OTUD7A: variants seen among roughly 807,000 people sequenced by gnomAD.
The protein encoded by OTUD7A is OTU domain-containing protein 7A.
In OTUD7A, 12 loss-of-function variants were observed where a neutral mutation model predicts 65.7. The observed-to-expected ratio is 0.18, with a 90% CI of 0.12 to 0.30. The LOEUF (loss-of-function observed/expected upper bound fraction) is 0.30. Among genes scored for constraint, OTUD7A ranks in the 10% least tolerant of loss-of-function variants. OTUD7A has a pLI of 1.00. For synonymous variants in OTUD7A, 641 were observed against 586.3 expected (o/e 1.09, Z -1.35); for missense variants, 1,148 against 1,304.8 (o/e 0.88, Z 1.85).
At chr15:31,814,561 T>A (rs1896502037) in intron 1 of OTUD7A, among the ~76,000 whole-genome samples, 1 of 151,984 alleles carries the variant, frequency 6.6e-6, no homozygotes, top group African/African-American at 2.4e-5. Context: ...TCTCGCTTTG[T>A]TGCCCAGGCT....
chr15:31,494,096 A>C (rs527474072), intron 10 of OTUD7A, among the ~76,000 whole-genome samples: 1 of 152,240 alleles, frequency 6.6e-6, no homozygotes, highest in Non-Finnish European at 1.5e-5. Context: ...TCTCTGGCCT[A>C]AAGTTTATAT....
chr15:31,612,262 C>T (rs918817744), intron 3 of OTUD7A, among the ~76,000 whole-genome samples: 3 of 152,212 alleles, frequency 2.0e-5, no homozygotes, highest in Non-Finnish European at 2.9e-5. Context: ...ACTCTCACTA[C>T]TCTTCTTCAA....
Position 31,792,704 on chromosome 15 carries a change from C to T in OTUD7A, c.-100+77803G>A, listed in dbSNP as rs1895850395. 2.0e-5 allele frequency among the ~76,000 whole-genome samples: 3 copies of T among 152,282 alleles called. No homozygotes were observed. The South Asian group carries it at 6.2e-4, about 32-fold the overall frequency. ...ATAGTGACCACCACCAGATAAAATT[C>T]TTCTTTATGTGTATGTGTGTTCTGC... On this transcript the variant is annotated intron_variant, in intron 1 of 12. Transcript: ENST00000307050.
chr15:31,587,491 A>G (rs1195144483), intron 3 of OTUD7A, among the ~76,000 whole-genome samples: 1 of 151,818 alleles, frequency 6.6e-6, no homozygotes, highest in African/African-American at 2.4e-5. Flanking sequence ...AAATACAAAA[A>G]TTAGCCAGGT....
intron 1 of OTUD7A, among the ~76,000 whole-genome samples, chr15:31,818,697 C>A (rs1896609488): frequency 6.6e-6 from 1 of 152,190 alleles, no homozygotes. Flanking sequence ...TGGGGATGGA[C>A]AACGGATGGT....
chr15:31,813,652 G>A (rs986935721), intron 1 of OTUD7A, among the ~76,000 whole-genome samples: 12 of 151,990 alleles, frequency 7.9e-5, no homozygotes, highest in African/African-American at 2.9e-4. Flanking sequence ...GCATCTTTAA[G>A]AAAAAAATAG....
At chr15:31,726,700 A>G (rs1030780481) in intron 1 of OTUD7A, among the ~76,000 whole-genome samples, 2 of 152,178 alleles carry the variant, frequency 1.3e-5, no homozygotes, top group African/African-American at 4.8e-5. Flanking sequence ...CAGTAACTTC[A>G]TGTGGGCTCC....
intron 1 of OTUD7A, among the ~76,000 whole-genome samples, chr15:31,819,637 G>A (rs553975584): frequency 7.9e-5 from 12 of 151,788 alleles, no homozygotes; most frequent in African/African-American, 2.9e-4. Flanking sequence ...TTTTTCTAAC[G>A]TAATCATATG....
intron 1 of OTUD7A, among the ~76,000 whole-genome samples, chr15:31,838,996 T>C (rs1235981345): frequency 3.3e-5 from 5 of 152,194 alleles, no homozygotes; most frequent in East Asian, 3.9e-4. Flanking sequence ...CCCAGACAGA[T>C]AGCTGGGTTG....
At chr15:31,767,166 T>G (rs1385854288) in intron 1 of OTUD7A, 1 of 1,266,468 alleles carries the variant, frequency 7.9e-7, no homozygotes. Context: ...CTCAGTTGAT[T>G]TGAAGGAACT....
Position 31,487,642 on chromosome 15 carries a change from A to ATTTTTTTTTTAAT in OTUD7A, c.1172-77_1172-76insATTAAAAAAAAAA. 4 of 1,220,424 alleles carry ATTTTTTTTTTAAT rather than the reference A, an allele frequency of 3.3e-6. No individual in the cohort carries two copies. In the African/African-American group the frequency reaches 4.5e-5, roughly 14 times the overall value. The allele number at this position is 1,220,424 out of a possible 1,614,324, so 75.6% of individuals were successfully genotyped here. ...AGGATGGCAAGGAAATTCCCAAGCC[A>ATTTTTTTTTTAAT]GGTATCTGGGTGACAAATGCACCGA... On this transcript the variant is annotated intron_variant, in intron 10 of 12. Coordinates refer to ENST00000307050, the MANE Select transcript of OTUD7A (RefSeq NM_001382637.1). The surrounding 1 kb of genome is among the most constrained non-coding windows in gnomAD (Gnocchi z 6.0).
At chr15:31,709,134 G>A (rs1210517627) in intron 1 of OTUD7A, among the ~76,000 whole-genome samples, 3 of 151,732 alleles carry the variant, frequency 2.0e-5, no homozygotes, top group South Asian at 2.1e-4. Context: ...AGCTGTGTGC[G>A]CTCCTGCAGA....
intron 3 of OTUD7A, among the ~76,000 whole-genome samples, chr15:31,642,171 T>C (rs557510626): frequency 6.6e-6 from 1 of 152,334 alleles, no homozygotes; most frequent in South Asian, 2.1e-4. Context: ...ACTGAGATGA[T>C]TGTATACCTT....
At chr15:31,671,130 C>T (rs7176902) in intron 1 of OTUD7A, among the ~76,000 whole-genome samples, 8,659 of 152,180 alleles carry the variant, frequency 0.057, 838 homozygotes, top group African/African-American at 0.2. Context: ...GATGTTTTTG[C>T]CATGAAATCT....
intron 1 of OTUD7A, among the ~76,000 whole-genome samples, chr15:31,789,130 G>T (rs934073465): frequency 6.6e-6 from 1 of 152,110 alleles, no homozygotes; most frequent in Admixed American, 6.6e-5. Flanking sequence ...ATATACCATT[G>T]TAAGTGCTAT....
intron 1 of OTUD7A, among the ~76,000 whole-genome samples, chr15:31,696,018 C>T (rs1221020662): frequency 1.3e-5 from 2 of 152,268 alleles, no homozygotes; most frequent in Admixed American, 1.3e-4. Flanking sequence ...GGAGAATTCT[C>T]CGCAGAGAAC....
intron 3 of OTUD7A, among the ~76,000 whole-genome samples, chr15:31,635,581 C>G (rs1395094302): frequency 6.6e-6 from 1 of 152,178 alleles, no homozygotes; most frequent in Non-Finnish European, 1.5e-5. Context: ...TATGAAGGCG[C>G]TAACTCCAAC....
At chr15:31,854,855 C>A (rs1248671267) in intron 1 of OTUD7A, among the ~76,000 whole-genome samples, 1 of 149,044 alleles carries the variant, frequency 6.7e-6, no homozygotes, top group African/African-American at 2.5e-5. Flanking sequence ...GATCATAAAC[C>A]AACAGAAAGA....
chr15:31,757,203 G>A (rs1399836218), intron 1 of OTUD7A, among the ~76,000 whole-genome samples: 1 of 152,012 alleles, frequency 6.6e-6, no homozygotes, highest in East Asian at 1.9e-4. Flanking sequence ...GAATCTCCAG[G>A]GATCTTAAGT....
Sources: gnomAD v4.1 joint callset for allele counts (sites outside exome capture counted in the v4.1 genomes callset) on GRCh38, gnomAD v4.1.1 for gene constraint, Gnocchi (gnomAD v3.1) non-coding constraint, MANE v1.5 for transcripts, NCBI Gene and HGNC (gene_info 2026-07-23, HGNC 2026-07-21) for gene names.